Variants in CNTNAP2 observed in about 807,000 individuals in gnomAD.
CNTNAP2 encodes contactin-associated protein-like 2.
A neutral mutation model predicts 155.2 loss-of-function variants in CNTNAP2; 98 were observed. The observed-to-expected ratio is 0.63, with a 90% CI of 0.54 to 0.75. CNTNAP2 has a LOEUF of 0.75. CNTNAP2 is among the 30% of genes least tolerant of loss of function. The pLI is 0.00. For synonymous variants in CNTNAP2, 651 were observed against 631.2 expected, an observed-to-expected ratio of 1.03 and a Z score of -0.47; for missense variants, 1,727 against 1,688.1, an observed-to-expected ratio of 1.02 and a Z score of -0.40.
At chr7:146,182,451 CATTTCCTTTCTTTCTG>C (rs1355072275) in intron 1 of CNTNAP2, among the ~76,000 whole-genome samples, 1 of 152,084 alleles carries the variant, frequency 6.6e-6, no homozygotes, top group Non-Finnish European at 1.5e-5. Flanking sequence ...AGCAGAGAAC[CATTTCCTTTCTTTCTG>C]GTTCATCACA....
chr7:147,772,693 C>T (rs1189067249), intron 13 of CNTNAP2, among the ~76,000 whole-genome samples: 1 of 151,862 alleles, frequency 6.6e-6, no homozygotes, highest in East Asian at 1.9e-4. Flanking sequence ...TCACCTTCCT[C>T]CCCAGTGAAC....
intron 1 of CNTNAP2, among the ~76,000 whole-genome samples, chr7:146,204,438 C>T (rs1798915713): frequency 6.6e-6 from 1 of 152,016 alleles, no homozygotes. Context: ...GGATGCTTTG[C>T]ATATGTCACA....
At chr7:148,265,871 G>A (rs763614040) in intron 20 of CNTNAP2, among the ~76,000 whole-genome samples, 2 of 152,198 alleles carry the variant, frequency 1.3e-5, no homozygotes, top group Admixed American at 6.5e-5. Context: ...ATTCATCGTA[G>A]TATGATGTGG....
intron 14 of CNTNAP2, among the ~76,000 whole-genome samples, chr7:147,960,978 C>A (rs746967250): frequency 1.3e-5 from 2 of 152,104 alleles, no homozygotes; most frequent in East Asian, 3.9e-4. Flanking sequence ...TAACTCAAGA[C>A]AAAAATTATA....
chr7:147,627,933 G>GAA (rs144354051), intron 12 of CNTNAP2, among the ~76,000 whole-genome samples: 29,154 of 145,464 alleles, frequency 0.2, 3,052 homozygotes, highest in Middle Eastern at 0.24. Context: ...ACAAAGACAA[G>GAA]AAAAAAAAAA....
chr7:146,196,201 T>C (rs1387765168), intron 1 of CNTNAP2, among the ~76,000 whole-genome samples: 1 of 152,166 alleles, frequency 6.6e-6, no homozygotes, highest in African/African-American at 2.4e-5. Flanking sequence ...TAAAAGACAT[T>C]TGACAGAGAA....
At chr7:146,963,968 G>A (rs756630196) in intron 3 of CNTNAP2, among the ~76,000 whole-genome samples, 4 of 151,802 alleles carry the variant, frequency 2.6e-5, no homozygotes, top group Non-Finnish European at 5.9e-5. Context: ...TTTATGTTGA[G>A]TGGATGCCTT....
chr7:147,958,529 A>G (rs1362832693), intron 14 of CNTNAP2, among the ~76,000 whole-genome samples: 6 of 152,116 alleles, frequency 3.9e-5, no homozygotes, highest in Non-Finnish European at 8.8e-5. Context: ...TGCCTAAGAG[A>G]TGGATGTTTA....
intron 18 of CNTNAP2, among the ~76,000 whole-genome samples, chr7:148,206,811 C>T (rs1477258837): frequency 6.6e-6 from 1 of 152,180 alleles, no homozygotes; most frequent in East Asian, 1.9e-4. Flanking sequence ...GCCTTGGTGC[C>T]TGCTGTTTCC....
At chr7:147,638,800 T>C (rs183854174) in intron 12 of CNTNAP2, 75 of 488,730 alleles carry the variant, frequency 1.5e-4, no homozygotes, top group Admixed American at 6.9e-4. Context: ...GAGCCTGATA[T>C]TCAATGCTGC....
chr7:146,672,364 A>G (rs760226386), intron 1 of CNTNAP2, among the ~76,000 whole-genome samples: 36 of 152,288 alleles, frequency 2.4e-4, no homozygotes, highest in Non-Finnish European at 4.4e-4. Flanking sequence ...ATAGACAATC[A>G]TGTTATCTGT....
Position 147,643,940 on chromosome 7 carries a change from T to C in CNTNAP2, c.2098+4634T>C, listed in dbSNP as rs1225748274. On this transcript the variant is annotated intron_variant, in intron 13 of 23. Coordinates refer to ENST00000361727, the MANE Select transcript of CNTNAP2 (RefSeq NM_014141.6). ...CAATTTTTACAAGGATAGTAATACA[T>C]GCCTTGTAATGTGCTCTCTTTTATT... Among the ~76,000 whole-genome samples the C allele has an allele frequency of 2.6e-5, 4 of 152,162 alleles. No individual in the cohort carries two copies. In the East Asian group the frequency reaches 7.7e-4, roughly 29 times the overall value.
intron 1 of CNTNAP2, among the ~76,000 whole-genome samples, chr7:146,155,447 G>A (rs557808450): frequency 4.3e-4 from 66 of 151,942 alleles, no homozygotes; most frequent in African/African-American, 8.4e-4. Context: ...AATTTTATTC[G>A]TATAACTATG....
chr7:148,044,214 T>A (rs1802730371), intron 15 of CNTNAP2, among the ~76,000 whole-genome samples: 1 of 151,886 alleles, frequency 6.6e-6, no homozygotes, highest in Non-Finnish European at 1.5e-5. Flanking sequence ...TATTTTTTTT[T>A]TTTTTTTTTC....
intron 4 of CNTNAP2, chr7:147,081,593 G>A: frequency 7.0e-6 from 1 of 143,848 alleles, no homozygotes; most frequent in Non-Finnish European, 1.5e-5. Flanking sequence ...TTGTGTGTGT[G>A]TGTGTGTGTG....
chr7:147,624,482 C>T (rs968788772), intron 12 of CNTNAP2, among the ~76,000 whole-genome samples: 2 of 152,030 alleles, frequency 1.3e-5, no homozygotes. Flanking sequence ...AGAAGACATA[C>T]AAATGGCAAA....
intron 1 of CNTNAP2, among the ~76,000 whole-genome samples, chr7:146,513,414 TTTTCTC>T (rs1334498781): frequency 1.3e-5 from 2 of 151,892 alleles, no homozygotes; most frequent in Non-Finnish European, 2.9e-5. Flanking sequence ...GTTTAGTAAT[TTTTCTC>T]TGGTAGTATG....
chr7:147,074,671 A>G (rs921891498), intron 4 of CNTNAP2, among the ~76,000 whole-genome samples: 1 of 152,336 alleles, frequency 6.6e-6, no homozygotes, highest in South Asian at 2.1e-4. Flanking sequence ...AGAATAGGCC[A>G]AAATATACAT....
chr7:148,271,220 A>G (rs1441519585), intron 21 of CNTNAP2, among the ~76,000 whole-genome samples: 2 of 152,236 alleles, frequency 1.3e-5, no homozygotes, highest in South Asian at 2.1e-4. Context: ...GTTGTATAGA[A>G]TAAGGAGCTA....
Sources: allele counts gnomAD v4.1 joint callset (sites outside exome capture counted in the v4.1 genomes callset), GRCh38; gene constraint gnomAD v4.1.1; transcripts MANE v1.5; gene names NCBI Gene and HGNC (gene_info 2026-07-23, HGNC 2026-07-21).